MAST2: variants seen among roughly 807,000 people sequenced by gnomAD.
MAST2 encodes microtubule associated serine/threonine kinase 2.
A neutral mutation model predicts 147.4 loss-of-function variants in MAST2; 70 were observed. That is an observed-to-expected ratio of 0.47 (90% confidence interval 0.39 to 0.58). The LOEUF (loss-of-function observed/expected upper bound fraction) is 0.58, where lower values mean the gene tolerates loss of function less well. Among genes scored for constraint, MAST2 ranks in the 20% least tolerant of loss-of-function variants. MAST2 has a pLI of 0.00. For missense variants in MAST2, 2,080 were observed against 2,302.3 expected (o/e 0.90, Z 1.98); for synonymous variants, 869 against 896.8 (o/e 0.97, Z 0.55).
rs373953711 is a variant in MAST2, at chr1:46,031,324, T to G, written c.2992+34T>G. On this transcript the variant is annotated intron_variant, in intron 23 of 28. Transcript: ENST00000361297. The surrounding 1 kb of genome is among the most constrained non-coding windows in gnomAD (Gnocchi z 4.1). ...CAGTGGGCGGCCAAACGACCTAAGC[T>G]GGAGGATACTGCAGGGCAGGGAGGC... 196 of 1,557,234 alleles carry G rather than the reference T, an allele frequency of 1.3e-4. No homozygotes were observed. Among genetic ancestry groups the G allele is most frequent in the South Asian group, 5.8e-4 (48 of 82,646 alleles).
chr1:45,943,269 T>C (rs1024388975), intron 4 of MAST2, among the ~76,000 whole-genome samples: 1 of 152,190 alleles, frequency 6.6e-6, no homozygotes, highest in Non-Finnish European at 1.5e-5. Flanking sequence ...ATTGTCATGC[T>C]CATCACTAAT....
intron 5 of MAST2, among the ~76,000 whole-genome samples, chr1:45,991,903 A>C (rs746055064): frequency 6.6e-6 from 1 of 151,236 alleles, no homozygotes; most frequent in Non-Finnish European, 1.5e-5. Context: ...TAATTTATGT[A>C]TTTTTTTTAG....
chr1:46,017,733 G>T (rs1276406739), intron 10 of MAST2, among the ~76,000 whole-genome samples: 4 of 152,108 alleles, frequency 2.6e-5, no homozygotes, highest in Non-Finnish European at 5.9e-5. Flanking sequence ...CTGTAAACTA[G>T]TTCAACCATT....
rs563932741 is a variant in MAST2 at position 45,896,709 on chromosome 1, A to C, written c.500+14314A>C. On this transcript the variant is annotated intron_variant, in intron 4 of 28. Coordinates refer to ENST00000361297, the MANE Select transcript of MAST2 (RefSeq NM_015112.3). Reference sequence around the variant, plus strand: ...CTAACAAAAGACTGTAACTAGGGCTATGGGAGTTGTAAGCCAGAAACCGTA... The same window carrying C: ...CTAACAAAAGACTGTAACTAGGGCTCTGGGAGTTGTAAGCCAGAAACCGTA... Among the ~76,000 whole-genome samples the C allele has an allele frequency of 2.0e-4, 30 of 152,342 alleles. No individual in the cohort carries two copies. The South Asian group carries it at 5.8e-3, about 29-fold the overall frequency.
chr1:45,950,048 C>T (rs1240646674), intron 4 of MAST2, among the ~76,000 whole-genome samples: 4 of 152,064 alleles, frequency 2.6e-5, no homozygotes, highest in Non-Finnish European at 4.4e-5. Context: ...GGGAAAACAA[C>T]AGACATTGAG....
intron 10 of MAST2, 125 bp from the exon 11 acceptor site, chr1:46,019,471 C>G: frequency 2.9e-6 from 2 of 695,888 alleles, no homozygotes; most frequent in Non-Finnish European, 4.8e-6. Context: ...CTCTGAGTTC[C>G]TTGCTTTGCG....
intron 4 of MAST2, among the ~76,000 whole-genome samples, chr1:45,905,412 C>G (rs189766325): frequency 1.3e-5 from 2 of 152,168 alleles, no homozygotes; most frequent in South Asian, 2.1e-4. Context: ...GTCTCGAACT[C>G]CTGACTTCAA....
intron 4 of MAST2, among the ~76,000 whole-genome samples, chr1:45,889,627 G>A (rs531480573): frequency 6.6e-6 from 1 of 151,708 alleles, no homozygotes; most frequent in Non-Finnish European, 1.5e-5. Flanking sequence ...GTTTTTTTGA[G>A]GCAGAATCTC....
At chr1:45,825,444 T>C (rs576425257) in intron 2 of MAST2, among the ~76,000 whole-genome samples, 2 of 152,246 alleles carry the variant, frequency 1.3e-5, no homozygotes, top group Non-Finnish European at 2.9e-5. Flanking sequence ...CTTCTCTTTT[T>C]TTTTTTGAGA....
At chr1:45,833,530 C>A (rs751278519) in intron 3 of MAST2, among the ~76,000 whole-genome samples, 4 of 152,056 alleles carry the variant, frequency 2.6e-5, no homozygotes, top group Non-Finnish European at 5.9e-5. Context: ...TTTCATTCCT[C>A]GTGGATATAT....
intron 3 of MAST2, among the ~76,000 whole-genome samples, chr1:45,875,943 G>C (rs1349659812): frequency 2.0e-5 from 3 of 152,048 alleles, no homozygotes; most frequent in African/African-American, 7.2e-5. Context: ...GAACTAAAAG[G>C]ACAGTCCCCA....
At chr1:45,913,934 T>A in intron 4 of MAST2, 12 of 1,128,560 alleles carry the variant, frequency 1.1e-5, no homozygotes, top group Non-Finnish European at 1.3e-5. Flanking sequence ...AAAAAACTAA[T>A]GCCAACTAAC....
At chr1:45,935,525 G>A (rs1656062714) in intron 4 of MAST2, among the ~76,000 whole-genome samples, 1 of 152,134 alleles carries the variant, frequency 6.6e-6, no homozygotes, top group Non-Finnish European at 1.5e-5. Flanking sequence ...TATAGTTTTA[G>A]GTTTTACCTG....
chr1:46,019,752 A>C, intron 11 of MAST2, 55 bp downstream of exon 11: 1 of 1,464,486 alleles, frequency 6.8e-7, no homozygotes, highest in Non-Finnish European at 9.6e-7. Flanking sequence ...ACTATAGAGG[A>C]AGTATCCTGA....
chr1:45,867,716 G>T (rs574702186), intron 3 of MAST2, among the ~76,000 whole-genome samples: 1 of 152,160 alleles, frequency 6.6e-6, no homozygotes, highest in Non-Finnish European at 1.5e-5. Context: ...TTACAGATAC[G>T]TGAAGCTCAG....
rs1233417228 is a variant in MAST2, at chr1:45,972,188, A to G, written c.592+12711A>G. On this transcript the variant is annotated intron_variant, in intron 5 of 28. Coordinates refer to ENST00000361297, the MANE Select transcript of MAST2 (RefSeq NM_015112.3). Reference sequence around the variant, plus strand: ...TTTGGGTTTGAAGCTGTCAAGGAGGACTCAACATTCAGCACACTGGTTGGA... The same window carrying G: ...TTTGGGTTTGAAGCTGTCAAGGAGGGCTCAACATTCAGCACACTGGTTGGA... 2.6e-5 allele frequency among the ~76,000 whole-genome samples: 4 copies of G among 152,156 alleles called. No homozygotes were observed. In the East Asian group the frequency reaches 5.8e-4, roughly 22 times the overall value.
chr1:45,878,341 A>AT (rs1646697524), intron 3 of MAST2, among the ~76,000 whole-genome samples: 1 of 152,198 alleles, frequency 6.6e-6, no homozygotes, highest in Non-Finnish European at 1.5e-5. Flanking sequence ...CAGAGAAAGT[A>AT]TTTGACATAA....
intron 3 of MAST2, among the ~76,000 whole-genome samples, chr1:45,863,716 T>G (rs1388441511): frequency 6.6e-6 from 1 of 152,218 alleles, no homozygotes; most frequent in African/African-American, 2.4e-5. Flanking sequence ...CCTTTAGCTA[T>G]TGCTATATTT....
intron 4 of MAST2, among the ~76,000 whole-genome samples, chr1:45,943,249 AAG>A (rs1483811063): frequency 6.6e-6 from 1 of 152,192 alleles, no homozygotes; most frequent in African/African-American, 2.4e-5. Flanking sequence ...CTATACCATG[AAG>A]AGTCTTGATT....
Sources: gnomAD v4.1 joint callset for allele counts (sites outside exome capture counted in the v4.1 genomes callset) on GRCh38, gnomAD v4.1.1 for gene constraint, Gnocchi (gnomAD v3.1) non-coding constraint, MANE v1.5 for transcripts, NCBI Gene and HGNC (gene_info 2026-07-23, HGNC 2026-07-21) for gene names.